Variants in ITFG1 observed in about 807,000 individuals in gnomAD.
ITFG1 encodes T-cell immunomodulatory protein.
ITFG1 carries 34 observed loss-of-function variants against 81.8 expected under a neutral mutation model. That is an observed-to-expected ratio of 0.42 (90% CI 0.32 to 0.55). The LOEUF is 0.55. ITFG1 is among the 20% of genes least tolerant of loss of function. ITFG1 has a pLI of 0.17. For missense variants in ITFG1, 672 were observed against 755.4 expected (o/e 0.89, Z 1.29); for synonymous variants, 285 against 270.6 (o/e 1.05, Z -0.52).
In ITFG1 at chr16:47,443,479, C is replaced by T. The variant is rs535174155; in HGVS notation, c.560+7917G>A. Reference sequence around the variant, plus strand: ...TTTATTGCGACACTATTCACAATAGCAAAGAGTTGGAAACAACCCAAATGG... The same window carrying T: ...TTTATTGCGACACTATTCACAATAGTAAAGAGTTGGAAACAACCCAAATGG... On this transcript the variant is annotated intron_variant, in intron 5 of 17. Coordinates refer to ENST00000320640, the MANE Select transcript of ITFG1 (RefSeq NM_030790.5). Among the ~76,000 whole-genome samples the T allele has an allele frequency of 5.3e-5, 8 of 152,170 alleles. No individual in the cohort carries two copies. The East Asian group carries it at 1.5e-3, about 29-fold the overall frequency.
chr16:47,382,601 C>A (rs1968408884), intron 6 of ITFG1, among the ~76,000 whole-genome samples: 1 of 147,068 alleles, frequency 6.8e-6, no homozygotes, highest in South Asian at 2.2e-4. Flanking sequence ...TAACAATGAA[C>A]ACATTCCTAC....
chr16:47,264,205 C>A (rs142857699), intron 10 of ITFG1, among the ~76,000 whole-genome samples: 1 of 152,094 alleles, frequency 6.6e-6, no homozygotes, highest in African/African-American at 2.4e-5. Context: ...TCTAAGCTTT[C>A]TTCTAGGCAC....
chr16:47,197,342 A>AGC (rs1460720896), intron 14 of ITFG1, among the ~76,000 whole-genome samples: 1 of 152,150 alleles, frequency 6.6e-6, no homozygotes, highest in African/African-American at 2.4e-5. Flanking sequence ...TCTTAACTCA[A>AGC]GCCTTTCTTT....
intron 5 of ITFG1, among the ~76,000 whole-genome samples, chr16:47,441,097 T>A (rs1328187299): frequency 1.3e-5 from 2 of 152,162 alleles, no homozygotes; most frequent in Non-Finnish European, 2.9e-5. Context: ...GATAAATTCC[T>A]CGACACATAC....
At chr16:47,416,055 T>C (rs1968870266) in intron 6 of ITFG1, among the ~76,000 whole-genome samples, 8 of 152,036 alleles carry the variant, frequency 5.3e-5, no homozygotes, top group Admixed American at 4.6e-4. Flanking sequence ...GATTGCACCA[T>C]TGCACTCCAG....
At chr16:47,419,744 A>T (rs1405906649) in intron 6 of ITFG1, among the ~76,000 whole-genome samples, 2 of 151,456 alleles carry the variant, frequency 1.3e-5, no homozygotes, top group East Asian at 3.9e-4. Context: ...CTGAGATTAC[A>T]AATGCCCACA....
At chr16:47,164,001 A>G (rs551048476) in intron 14 of ITFG1, among the ~76,000 whole-genome samples, 2 of 152,030 alleles carry the variant, frequency 1.3e-5, no homozygotes, top group South Asian at 4.2e-4. Context: ...CCCTGTAGGC[A>G]CATTTTCTGT....
chr16:47,322,857 T>C (rs981059552), intron 8 of ITFG1, among the ~76,000 whole-genome samples: 4 of 152,230 alleles, frequency 2.6e-5, no homozygotes, highest in African/African-American at 7.2e-5. Context: ...AGTCATCACA[T>C]TGTATTTAAT....
chr16:47,180,530 G>A (rs1371205507), intron 14 of ITFG1, among the ~76,000 whole-genome samples: 1 of 152,084 alleles, frequency 6.6e-6, no homozygotes, highest in Non-Finnish European at 1.5e-5. Flanking sequence ...TTGCAGGCAC[G>A]CGCCGCCACG....
intron 14 of ITFG1, among the ~76,000 whole-genome samples, chr16:47,207,320 G>A (rs142296608): frequency 2.2e-4 from 34 of 152,232 alleles, no homozygotes; most frequent in Non-Finnish European, 3.1e-4. Flanking sequence ...TCCTGACCTC[G>A]TGATCCGCCC....
intron 6 of ITFG1, among the ~76,000 whole-genome samples, chr16:47,407,639 G>A (rs748494815): frequency 2.6e-5 from 4 of 152,140 alleles, no homozygotes; most frequent in Admixed American, 6.5e-5. Flanking sequence ...GAGCCACTGC[G>A]CCCAGCCAAC....
chr16:47,331,004 C>G (rs945026900), intron 8 of ITFG1, among the ~76,000 whole-genome samples: 4 of 152,066 alleles, frequency 2.6e-5, no homozygotes, highest in Non-Finnish European at 5.9e-5. Flanking sequence ...ATTGTTCTAC[C>G]AAAAAGACAT....
chr16:47,188,867 C>T (rs558156784), intron 14 of ITFG1, among the ~76,000 whole-genome samples: 32 of 152,224 alleles, frequency 2.1e-4, no homozygotes, highest in African/African-American at 7.5e-4. Flanking sequence ...TGGGTTTAAG[C>T]GATGCTCCTG....
intron 12 of ITFG1, among the ~76,000 whole-genome samples, chr16:47,239,433 T>C (rs920938962): frequency 1.3e-5 from 2 of 152,128 alleles, no homozygotes; most frequent in African/African-American, 4.8e-5. Context: ...TCTCTTGACC[T>C]TGTGATCCGC....
chr16:47,454,294 A>G (rs754583103), intron 2 of ITFG1, 136 bp from the exon 3 acceptor site: 10 of 735,708 alleles, frequency 1.4e-5, no homozygotes, highest in Non-Finnish European at 2.3e-5. Flanking sequence ...TCTCTTTCCT[A>G]TCTTTTCATC....
rs181370415 is a variant in ITFG1, at chr16:47,227,696, T to C, written c.1375-8750A>G. 3.2e-3 allele frequency among the ~76,000 whole-genome samples: 490 copies of C among 152,248 alleles called. 5 individuals are homozygous for C. The highest frequency in any genetic ancestry group is 5.9e-3 in the Non-Finnish European group (401 of 68,008). On this transcript the variant is annotated intron_variant, in intron 13 of 17. Coordinates refer to ENST00000320640, the MANE Select transcript of ITFG1 (RefSeq NM_030790.5). ...TTTGTTTCAAGGTCTTGGGCTCCTA[T>C]AGTGGAGCGCAAATAATACTTCAAA...
intron 14 of ITFG1, among the ~76,000 whole-genome samples, chr16:47,181,619 C>T (rs1265154456): frequency 6.6e-6 from 1 of 151,070 alleles, no homozygotes; most frequent in Non-Finnish European, 1.5e-5. Flanking sequence ...GCGCCTCTGC[C>T]CGGCCGCCCC....
intron 10 of ITFG1, among the ~76,000 whole-genome samples, chr16:47,289,666 T>C (rs1278395088): frequency 6.6e-6 from 1 of 152,198 alleles, no homozygotes; most frequent in East Asian, 1.9e-4. Flanking sequence ...CTAATGGTCC[T>C]TGTATTTCTG....
chr16:47,159,261 T>C (rs1246586320), intron 16 of ITFG1, among the ~76,000 whole-genome samples: 1 of 152,190 alleles, frequency 6.6e-6, no homozygotes, highest in South Asian at 2.1e-4. Context: ...ATTTTCCAAG[T>C]TTGATCCTAT....
Sources: gnomAD v4.1 joint callset for allele counts (sites outside exome capture counted in the v4.1 genomes callset) on GRCh38, gnomAD v4.1.1 for gene constraint, MANE v1.5 for transcripts, NCBI Gene and HGNC (gene_info 2026-07-23, HGNC 2026-07-21) for gene names.